EXD3: variants seen among roughly 807,000 people sequenced by gnomAD.
The protein encoded by EXD3 is exonuclease 3'-5' domain containing 3, also known as exonuclease mut-7 homolog.
In EXD3, 92 loss-of-function variants were observed where a neutral mutation model predicts 98.0. That is an observed-to-expected ratio of 0.94 (90% CI 0.79 to 1.12). The LOEUF is 1.12. EXD3 is among the 50% of genes most tolerant of loss of function. EXD3 has a pLI of 0.00. For synonymous variants in EXD3, 569 were observed against 526.0 expected, an observed-to-expected ratio of 1.08 and a Z score of -1.12; for missense variants, 1,222 against 1,191.6, an observed-to-expected ratio of 1.03 and a Z score of -0.38.
chr9:137,403,095 G>T lies in EXD3; in HGVS notation c.-47-7691C>A, dbSNP rs531851462. 1.3e-5 allele frequency among the ~76,000 whole-genome samples: 2 copies of T among 152,068 alleles called. No homozygotes were observed. Among genetic ancestry groups the T allele is most frequent in the Non-Finnish European group, 2.9e-5 (2 of 68,028 alleles). ...ACAGCCAAAGCATATCACCCGCCAC[G>T]GGAGACCCTGTGGCTCGGCTTGGCT... On this transcript the variant is annotated intron_variant, in intron 1 of 21. Transcript: ENST00000340951. The surrounding 1 kb of genome is among the most constrained non-coding windows in gnomAD (Gnocchi z 6.1).
chr9:137,370,618 AAAG>A (rs1393017449), intron 5 of EXD3, among the ~76,000 whole-genome samples: 1 of 150,832 alleles, frequency 6.6e-6, no homozygotes, highest in East Asian at 2.0e-4. Flanking sequence ...AAAAAAAAAA[AAAG>A]AAAATCAGGA....
chr9:137,418,959 A>G (rs1838375491), intron 1 of EXD3, among the ~76,000 whole-genome samples: 1 of 152,162 alleles, frequency 6.6e-6, no homozygotes. Context: ...CTATTTTGAG[A>G]TTGTTTTAAG....
chr9:137,386,271 G>A (rs896748611), intron 2 of EXD3, among the ~76,000 whole-genome samples: 8 of 152,172 alleles, frequency 5.3e-5, no homozygotes, highest in African/African-American at 1.7e-4. Flanking sequence ...TCCAGCCTGG[G>A]GGACAGAGTG....
In EXD3 at chr9:137,347,094, G is replaced by A. The variant is rs1469941700; in HGVS notation, c.1998+977C>T. On this transcript the variant is annotated intron_variant, in intron 17 of 21. Coordinates refer to ENST00000340951, the MANE Select transcript of EXD3 (RefSeq NM_017820.5). The surrounding 1 kb of genome is among the most constrained non-coding windows in gnomAD (Gnocchi z 4.2). ...CTCCCAGAGTGCAGGGATTACAGGC[G>A]TGAGCACCCAGCCTCCATGTCATTT... is the stretch of plus-strand genomic sequence containing the variant. Among the ~76,000 whole-genome samples, 3 of 152,090 alleles carry A rather than the reference G, an allele frequency of 2.0e-5. No individual in the cohort carries two copies. Among genetic ancestry groups the A allele is most frequent in the East Asian group, 1.9e-4 (1 of 5,178 alleles).
intron 1 of EXD3, among the ~76,000 whole-genome samples, chr9:137,419,884 G>A (rs917185489): frequency 5.3e-5 from 8 of 152,142 alleles, no homozygotes; most frequent in African/African-American, 1.2e-4. Context: ...AAGCGGCCGG[G>A]CGCGGTGGCT....
At chr9:137,418,219 C>A (rs1226483784) in intron 1 of EXD3, among the ~76,000 whole-genome samples, 1 of 152,144 alleles carries the variant, frequency 6.6e-6, no homozygotes, top group Non-Finnish European at 1.5e-5. Context: ...TGGTGGCATG[C>A]ACCTGTAGTC....
chr9:137,406,645 A>C (rs983314937), intron 1 of EXD3, among the ~76,000 whole-genome samples: 1 of 152,262 alleles, frequency 6.6e-6, no homozygotes, highest in Admixed American at 6.5e-5. Flanking sequence ...GTGTCTGATG[A>C]GCAAATGAAT....
chr9:137,357,324 C>T (rs1028500153), intron 7 of EXD3: 3 of 152,206 alleles, frequency 2.0e-5, no homozygotes, highest in African/African-American at 7.2e-5. Flanking sequence ...CGATGAATTA[C>T]TTAGGAGTTT....
intron 17 of EXD3, among the ~76,000 whole-genome samples, chr9:137,328,576 C>A (rs1189848094): frequency 7.0e-6 from 1 of 143,600 alleles, no homozygotes; most frequent in East Asian, 2.3e-4. Flanking sequence ...ACTAGTTACA[C>A]AGGAGCTACA....
At chr9:137,354,457 C>A (rs555198122) in intron 9 of EXD3, 80 bp from the exon 10 acceptor site, 2 of 1,596,202 alleles carry the variant, frequency 1.3e-6, no homozygotes, top group African/African-American at 2.7e-5. Flanking sequence ...TTTCCTCGAC[C>A]CCTGGCAGGG....
At chr9:137,412,565 C>T (rs1055892023) in intron 1 of EXD3, among the ~76,000 whole-genome samples, 17 of 152,110 alleles carry the variant, frequency 1.1e-4, no homozygotes, top group African/African-American at 3.6e-4. Context: ...AGAAACATTC[C>T]ACATGGGACA....
chr9:137,351,359 A>C lies in EXD3; in HGVS notation c.1343T>G (p.Leu448Arg). The change falls in exon 13 of 22, where the codon CTG becomes CGG. Residue 448 changes from leucine (L) to arginine (R), a missense_variant. Transcript: ENST00000340951. ...TGQGAQAFSRLVAQLLSDPSI... is the reference protein window; with the variant it reads ...TGQGAQAFSRRVAQLLSDPSI... ...GGGGTCCGAGAGGAGCTGGGCCACC[A>C]GCCGGGAAAAGGCCTGGGCTCCCTG... 1 of 1,612,002 alleles carries C rather than the reference A, an allele frequency of 6.2e-7. No homozygotes were observed.
intron 2 of EXD3, among the ~76,000 whole-genome samples, chr9:137,384,196 G>T (rs1272734587): frequency 6.6e-6 from 1 of 152,210 alleles, no homozygotes; most frequent in Non-Finnish European, 1.5e-5. Flanking sequence ...AACAGGGAAG[G>T]CCCCGTGTTG....
intron 7 of EXD3, among the ~76,000 whole-genome samples, chr9:137,361,635 A>G (rs1264734931): frequency 1.3e-5 from 2 of 150,488 alleles, no homozygotes; most frequent in Non-Finnish European, 3.0e-5. Flanking sequence ...AATCCCAGCT[A>G]CTCTGGAGGG....
At chr9:137,382,996 G>A (rs368730798) in intron 3 of EXD3, among the ~76,000 whole-genome samples, 4 of 152,204 alleles carry the variant, frequency 2.6e-5, no homozygotes, top group East Asian at 1.9e-4. Flanking sequence ...GTGGCAGGAC[G>A]GGGCCTCAGG....
At chr9:137,406,418 CG>C (rs916297602) in intron 1 of EXD3, among the ~76,000 whole-genome samples, 2 of 152,082 alleles carry the variant, frequency 1.3e-5, no homozygotes, top group African/African-American at 4.8e-5. Flanking sequence ...GCAGCCAGGG[CG>C]GGGTGAGCCT....
intron 17 of EXD3, among the ~76,000 whole-genome samples, chr9:137,345,493 C>T (rs1394749780): frequency 1.3e-5 from 2 of 152,030 alleles, no homozygotes; most frequent in Non-Finnish European, 1.5e-5. Context: ...GAAACCCTGT[C>T]TGTACTAAAA....
At chr9:137,322,249 G>A (rs948987980) in intron 19 of EXD3, among the ~76,000 whole-genome samples, 15 of 152,102 alleles carry the variant, frequency 9.9e-5, no homozygotes, top group Non-Finnish European at 2.2e-4. Context: ...GAGCCAGAGG[G>A]AATTCCCCAA....
intron 19 of EXD3, among the ~76,000 whole-genome samples, chr9:137,315,372 T>A (rs1831589882): frequency 6.6e-6 from 1 of 152,174 alleles, no homozygotes; most frequent in African/African-American, 2.4e-5. Flanking sequence ...CCTCCCAGCC[T>A]GCACCCCCAC....
Sources: gnomAD v4.1 joint callset for allele counts (sites outside exome capture counted in the v4.1 genomes callset) on GRCh38, gnomAD v4.1.1 for gene constraint, Gnocchi (gnomAD v3.1) non-coding constraint, MANE v1.5 for transcripts, NCBI Gene and HGNC (gene_info 2026-07-23, HGNC 2026-07-21) for gene names.